Variants in PCDH15 observed in about 807,000 individuals in gnomAD.
PCDH15 encodes protocadherin-15.
Under a neutral mutation model 178.5 loss-of-function variants are expected in PCDH15, and 129 were observed. The ratio of observed to expected loss-of-function variants is 0.72; its 90% CI spans 0.63 to 0.84. PCDH15 has a LOEUF of 0.84. Ranked by LOEUF, PCDH15 falls within the 40% of genes least tolerant of loss-of-function variation. The probability of loss-of-function intolerance (pLI) is 0.00; values close to 1 mark genes in which losing one functional copy is unlikely to be tolerated. For missense variants in PCDH15, 2,230 were observed against 2,099.9 expected (o/e 1.06, Z -1.21); for synonymous variants, 800 against 732.0 (o/e 1.09, Z -1.50).
At chr10:55,334,012 C>T (rs1443229420) in intron 2 of PCDH15, among the ~76,000 whole-genome samples, 1 of 151,310 alleles carries the variant, frequency 6.6e-6, no homozygotes, top group African/African-American at 2.4e-5. Flanking sequence ...ATTTTTCATA[C>T]TTTAAAATAA....
At chr10:54,950,424 TTA>T (rs1439709644) in intron 2 of PCDH15, among the ~76,000 whole-genome samples, 3 of 151,948 alleles carry the variant, frequency 2.0e-5, no homozygotes, top group Admixed American at 2.0e-4. Context: ...TGAATGAGTC[TTA>T]CAAGATCTGA....
intron 2 of PCDH15, among the ~76,000 whole-genome samples, chr10:55,020,411 C>A (rs1182411568): frequency 6.6e-6 from 1 of 150,926 alleles, no homozygotes; most frequent in Non-Finnish European, 1.5e-5. Context: ...TTGATTTCAC[C>A]TGGAAGATGG....
intron 2 of PCDH15, among the ~76,000 whole-genome samples, chr10:55,429,174 G>A (rs569577972): frequency 1.3e-5 from 2 of 152,044 alleles, no homozygotes; most frequent in South Asian, 4.1e-4. Context: ...ATTTCTAGTG[G>A]TATTTTTTTT....
At chr10:54,548,055 T>A (rs2086061779) in intron 2 of PCDH15, among the ~76,000 whole-genome samples, 1 of 147,704 alleles carries the variant, frequency 6.8e-6, no homozygotes, top group Admixed American at 6.8e-5. Context: ...AATGAAAACA[T>A]GCGCCACTGC....
upstream of PCDH15, among the ~76,000 whole-genome samples, chr10:55,321,612 A>G (rs755794978): frequency 1.3e-5 from 2 of 152,190 alleles, no homozygotes; most frequent in Non-Finnish European, 2.9e-5. Flanking sequence ...GAGAGAAAGG[A>G]CTGGTCACCT....
chr10:55,147,612 CT>C (rs2132096655), intron 2 of PCDH15, among the ~76,000 whole-genome samples: 1 of 150,026 alleles, frequency 6.7e-6, no homozygotes, highest in South Asian at 2.1e-4. Flanking sequence ...TCTTTGACTC[CT>C]TTGTCTAAGT....
chr10:54,343,260 G>T (rs1942591848), intron 6 of PCDH15, among the ~76,000 whole-genome samples: 1 of 152,080 alleles, frequency 6.6e-6, no homozygotes, highest in Admixed American at 6.5e-5. Flanking sequence ...TCATGGGGCA[G>T]TTTTCCCCCT....
At chr10:55,079,617 G>C (rs1296987056) in intron 2 of PCDH15, among the ~76,000 whole-genome samples, 4 of 152,108 alleles carry the variant, frequency 2.6e-5, no homozygotes, top group Non-Finnish European at 5.9e-5. Flanking sequence ...GACAACAGTG[G>C]GCCAGGTGGG....
intron 13 of PCDH15, among the ~76,000 whole-genome samples, chr10:54,172,005 C>T (rs2046963561): frequency 6.6e-6 from 1 of 151,764 alleles, no homozygotes; most frequent in Admixed American, 6.6e-5. Context: ...GCCGCCCCAA[C>T]ACTTCAACAC....
intron 2 of PCDH15, among the ~76,000 whole-genome samples, chr10:54,963,619 C>G (rs1222564429): frequency 1.3e-5 from 2 of 152,106 alleles, no homozygotes; most frequent in Non-Finnish European, 2.9e-5. Flanking sequence ...TTTAAAAATC[C>G]TTTAGCTTCC....
At chr10:55,423,030 T>A (rs1838661149) in intron 2 of PCDH15, among the ~76,000 whole-genome samples, 1 of 151,910 alleles carries the variant, frequency 6.6e-6, no homozygotes, top group Non-Finnish European at 1.5e-5. Flanking sequence ...AAATAAGGAC[T>A]ATAGAAGTTA....
chr10:55,602,294 G>C (rs945301743), intron 2 of PCDH15, among the ~76,000 whole-genome samples: 1 of 152,088 alleles, frequency 6.6e-6, no homozygotes, highest in Non-Finnish European at 1.5e-5. Flanking sequence ...ACTGCAAGGC[G>C]GCAGCGAGGC....
intron 3 of PCDH15, among the ~76,000 whole-genome samples, chr10:54,522,540 C>G (rs1273966205): frequency 2.0e-5 from 3 of 152,192 alleles, no homozygotes; most frequent in African/African-American, 7.2e-5. Context: ...AACAAGTCGT[C>G]TATCTGAAAC....
chr10:54,344,953 C>T (rs1806254936), intron 6 of PCDH15, among the ~76,000 whole-genome samples: 1 of 145,600 alleles, frequency 6.9e-6, no homozygotes. Context: ...GACCTTCACC[C>T]TGCTAATAAA....
chr10:55,409,853 T>C (rs968910983), intron 2 of PCDH15, among the ~76,000 whole-genome samples: 3 of 152,192 alleles, frequency 2.0e-5, no homozygotes, highest in Non-Finnish European at 4.4e-5. Context: ...GAGGAACATA[T>C]TAAATACGCG....
chr10:54,742,531 C>T (rs1010606507), intron 1 of PCDH15, among the ~76,000 whole-genome samples: 19 of 151,902 alleles, frequency 1.3e-4, no homozygotes, highest in African/African-American at 4.6e-4. Context: ...GAAGACCTTG[C>T]CATGTTAAGT....
intron 2 of PCDH15, chr10:54,599,851 G>C: frequency 3.1e-6 from 2 of 640,610 alleles, no homozygotes; most frequent in Admixed American, 4.7e-5. Flanking sequence ...AGGAGAAACA[G>C]AGGCTGAAGG....
chr10:54,475,892 T>C (rs1350523230), intron 3 of PCDH15, among the ~76,000 whole-genome samples: 5 of 150,726 alleles, frequency 3.3e-5, no homozygotes. Context: ...CCATTATATA[T>C]ATATAATGAA....
chr10:53,863,613 T>G (rs1017928128), intron 27 of PCDH15, among the ~76,000 whole-genome samples: 2 of 151,986 alleles, frequency 1.3e-5, no homozygotes, highest in African/African-American at 2.4e-5. Flanking sequence ...AAAAGAAGAA[T>G]AGAAAAATGG....
Sources: gnomAD v4.1 joint callset for allele counts (sites outside exome capture counted in the v4.1 genomes callset) on GRCh38, gnomAD v4.1.1 for gene constraint, MANE v1.5 for transcripts, NCBI Gene and HGNC (gene_info 2026-07-23, HGNC 2026-07-21) for gene names.